Variants in KPNA4 observed in about 807,000 individuals in gnomAD.
KPNA4 encodes importin subunit alpha-3.
KPNA4 carries 13 observed loss-of-function variants against 71.3 expected under a neutral mutation model. The observed-to-expected ratio is 0.18, with a 90% CI of 0.12 to 0.29. The LOEUF (loss-of-function observed/expected upper bound fraction) is 0.29. KPNA4 is among the 10% of genes least tolerant of loss of function. KPNA4 has a pLI of 1.00. For missense variants in KPNA4, 334 were observed against 603.2 expected (o/e 0.55, Z 4.67); for synonymous variants, 189 against 195.2 (o/e 0.97, Z 0.26).
Position 160,532,553 on chromosome 3 carries a change from A to G in KPNA4, c.288-996T>C, listed in dbSNP as rs539781933. On this transcript the variant is annotated intron_variant, in intron 5 of 16. Transcript: ENST00000334256. ...CATCACTGCTCTCATGGAGCTTATA[A>G]GATAAAAACAAAACCTAGTGTCTAT... 1.3e-3 allele frequency among the ~76,000 whole-genome samples: 198 copies of G among 152,348 alleles called. 1 individual carries two copies. Among genetic ancestry groups the G allele is most frequent in the African/African-American group, 4.6e-3 (190 of 41,586 alleles).
intron 1 of KPNA4, among the ~76,000 whole-genome samples, chr3:160,559,513 G>A (rs1244010598): frequency 6.6e-6 from 1 of 152,156 alleles, no homozygotes; most frequent in Admixed American, 6.5e-5. Context: ...ATCAGTAAAA[G>A]ATGGGTAAAT....
intron 11 of KPNA4, among the ~76,000 whole-genome samples, chr3:160,519,664 G>A (rs1349616412): frequency 4.6e-5 from 7 of 151,326 alleles, no homozygotes; most frequent in African/African-American, 1.7e-4. Context: ...GCGCGGTGGT[G>A]GGCGCCTGTA....
At chr3:160,508,879 G>A (rs1222968375) in intron 14 of KPNA4, among the ~76,000 whole-genome samples, 1 of 152,092 alleles carries the variant, frequency 6.6e-6, no homozygotes, top group African/African-American at 2.4e-5. Flanking sequence ...TGGCTCACAT[G>A]TGCCTGGCTA....
At chr3:160,524,749 T>A (rs558246898) in intron 10 of KPNA4, among the ~76,000 whole-genome samples, 1 of 152,324 alleles carries the variant, frequency 6.6e-6, no homozygotes, top group East Asian at 1.9e-4. Flanking sequence ...TTTAAGATCC[T>A]AAACTATCTG....
chr3:160,527,940 G>GT lies in KPNA4; in HGVS notation c.556+12dup, dbSNP rs934864214. On this transcript the variant is annotated intron_variant, in intron 8 of 16. Transcript: ENST00000334256. The stretch of plus-strand genomic sequence containing the variant: ...AACAATTTTTAGACTAGTATTACAA[G>GT]TTTTATACAAACCTATGATATTTCC... 1.1e-5 allele frequency: 17 copies of GT among 1,595,270 alleles called. No homozygotes were observed. Among genetic ancestry groups the GT allele is most frequent in the Non-Finnish European group, 6.0e-6 (7 of 1,164,586 alleles).
chr3:160,514,943 T>C (rs1721175801), intron 12 of KPNA4: 1 of 518,862 alleles, frequency 1.9e-6, no homozygotes, highest in South Asian at 1.4e-5. Flanking sequence ...ATGAACCTGT[T>C]AGAGATTTTA....
At chr3:160,519,566 G>A (rs937169486) in intron 11 of KPNA4, among the ~76,000 whole-genome samples, 4 of 151,156 alleles carry the variant, frequency 2.6e-5, no homozygotes, top group South Asian at 2.1e-4. Context: ...AGGCTGAGGC[G>A]GGTGGATCAT....
rs1722335103 is a variant in KPNA4 at position 160,565,527 on chromosome 3, C to A, written c.-245G>T. Reference sequence around the variant, plus strand: ...ACTGTGGGGCCGGGCGGCGGCAAGGCGACGGAATGTGCTGCCGGCTGAGAG... The same window carrying A: ...ACTGTGGGGCCGGGCGGCGGCAAGGAGACGGAATGTGCTGCCGGCTGAGAG... On this transcript the variant is annotated 5_prime_UTR_variant, in exon 1 of 17. Transcript: ENST00000334256. 1.8e-6 allele frequency: 1 copy of A among 541,506 alleles called. No homozygotes were observed. Among genetic ancestry groups the A allele is most frequent in the Non-Finnish European group, 3.2e-6 (1 of 308,858 alleles). 33.5% of individuals were successfully genotyped at this position (541,506 alleles called of 1,614,324 possible).
At chr3:160,516,606 C>A (rs1721229019) in intron 11 of KPNA4, among the ~76,000 whole-genome samples, 1 of 151,970 alleles carries the variant, frequency 6.6e-6, no homozygotes, top group East Asian at 1.9e-4. Context: ...ATGACAAAAC[C>A]CTGTCTCTAC....
At chr3:160,506,164 C>CTTTAT (rs1218541600) in intron 15 of KPNA4, among the ~76,000 whole-genome samples, 7 of 151,614 alleles carry the variant, frequency 4.6e-5, no homozygotes, top group Non-Finnish European at 7.4e-5. Context: ...CCACTATATA[C>CTTTAT]TTTATTTTAT....
chr3:160,508,495 C>T (rs906954305), intron 14 of KPNA4, among the ~76,000 whole-genome samples: 1 of 152,110 alleles, frequency 6.6e-6, no homozygotes, highest in African/African-American at 2.4e-5. Context: ...ATAAAGGAAT[C>T]ACTCAACTTC....
At chr3:160,533,664 T>C (rs1332146566) in intron 5 of KPNA4, among the ~76,000 whole-genome samples, 3 of 152,228 alleles carry the variant, frequency 2.0e-5, no homozygotes, top group East Asian at 1.9e-4. Context: ...CTGTCTTGAT[T>C]TGCATTAAGG....
At chr3:160,552,983 T>TTTA (rs981058521) in intron 1 of KPNA4, among the ~76,000 whole-genome samples, 34 of 152,106 alleles carry the variant, frequency 2.2e-4, no homozygotes, top group African/African-American at 5.1e-4. Flanking sequence ...ATTGATTTAC[T>TTTA]TTATTATTAT....
intron 11 of KPNA4, among the ~76,000 whole-genome samples, chr3:160,516,454 AG>A (rs1721225272): frequency 6.6e-6 from 1 of 151,498 alleles, no homozygotes; most frequent in East Asian, 1.9e-4. Context: ...AAAAAAAAAA[AG>A]ACAGAACTTT....
At chr3:160,529,934 G>A (rs1721538281) in intron 7 of KPNA4, among the ~76,000 whole-genome samples, 2 of 151,396 alleles carry the variant, frequency 1.3e-5, no homozygotes, top group Admixed American at 6.6e-5. Context: ...TCGAGACCGA[G>A]ACCATCCTGG....
intron 5 of KPNA4, among the ~76,000 whole-genome samples, chr3:160,532,685 T>C (rs926121972): frequency 2.0e-5 from 3 of 152,228 alleles, no homozygotes; most frequent in Non-Finnish European, 4.4e-5. Flanking sequence ...GCAATGTTTA[T>C]GAAAGCTTAA....
At position 160,515,420 on chromosome 3, in the gene KPNA4, C is replaced by T. The variant is rs767093059; in HGVS notation, c.1032+32G>A. ...ATAGAAACTGTTAACATTTTAAGTG[C>T]TATCTATTAAGTAGTATTTAATAGT... is the stretch of plus-strand genomic sequence containing the variant. On this transcript the variant is annotated intron_variant, in intron 12 of 16. Coordinates refer to ENST00000334256, the MANE Select transcript of KPNA4 (RefSeq NM_002268.5). The T allele has an allele frequency of 2.0e-6, 3 of 1,532,490 alleles. No individual in the cohort carries two copies. In the South Asian group the frequency reaches 3.5e-5, roughly 18 times the overall value. The allele number at this position is 1,532,490 out of a possible 1,614,324, so 94.9% of individuals were successfully genotyped here.
intron 1 of KPNA4, 137 bp from the exon 2 acceptor site, chr3:160,536,977 T>C (rs1036558381): frequency 2.2e-5 from 10 of 448,716 alleles, no homozygotes; most frequent in Admixed American, 4.0e-5. Flanking sequence ...ATCTTACTCA[T>C]AATAAAAATC....
chr3:160,518,562 T>C lies in KPNA4; in HGVS notation c.904-2982A>G, dbSNP rs1015810088. Among the ~76,000 whole-genome samples the C allele has an allele frequency of 5.9e-5, 9 of 151,322 alleles. No homozygotes were observed. The South Asian group carries it at 1.0e-3, about 18-fold the overall frequency. ...CCCCAATGAATTGGCTTGGCTTCCT[T>C]ATTGAAAATCAACTTGGCCGGGCGC... On this transcript the variant is annotated intron_variant, in intron 11 of 16. Transcript: ENST00000334256.
Sources: gnomAD v4.1 joint callset for allele counts (sites outside exome capture counted in the v4.1 genomes callset) on GRCh38, gnomAD v4.1.1 for gene constraint, MANE v1.5 for transcripts, NCBI Gene and HGNC (gene_info 2026-07-23, HGNC 2026-07-21) for gene names.